SLC36A1: variants seen among roughly 807,000 people sequenced by gnomAD.
The protein encoded by SLC36A1 is solute carrier family 36 member 1, also known as proton-coupled amino acid transporter 1.
Under a neutral mutation model 47.5 loss-of-function variants are expected in SLC36A1, and 30 were observed. The observed-to-expected ratio is 0.63, with a 90% confidence interval of 0.47 to 0.86. SLC36A1 has a LOEUF of 0.86. Ranked by LOEUF, SLC36A1 falls within the 40% of genes least tolerant of loss-of-function variation. The pLI is 0.00. For synonymous variants in SLC36A1, 255 were observed against 249.7 expected, an observed-to-expected ratio of 1.02 and a Z score of -0.20; for missense variants, 517 against 606.0, an observed-to-expected ratio of 0.85 and a Z score of 1.54.
the SLC36A1 span, among the ~76,000 whole-genome samples, chr5:151,546,907 G>C: frequency 0.046 from 7,026 of 151,922 alleles, 281 homozygotes; most frequent in African/African-American, 0.1. Flanking sequence ...TAATAGCTTT[G>C]GTTATATAGA....
chr5:151,380,956 T>C, the SLC36A1 span: 1 of 395,518 alleles, frequency 2.5e-6, no homozygotes, highest in Non-Finnish European at 5.1e-6. Flanking sequence ...CTAATTTGGT[T>C]GTGTGACAGG....
At chr5:151,545,379 A>C in the SLC36A1 span, 18 of 1,614,066 alleles carry the variant, frequency 1.1e-5, no homozygotes, top group Non-Finnish European at 1.5e-5. Flanking sequence ...GATGGATGGT[A>C]ACAGCTTCAT....
the SLC36A1 span, among the ~76,000 whole-genome samples, chr5:151,362,447 G>A: frequency 6.9e-6 from 1 of 144,714 alleles, no homozygotes; most frequent in African/African-American, 2.6e-5. Flanking sequence ...CTGGAGTGCA[G>A]TGGGGCAACC....
In SLC36A1 at chr5:151,474,854, C is replaced by T. The variant is rs1430821707; in HGVS notation, c.822+1083C>T. On this transcript the variant is annotated intron_variant, in intron 8 of 10. Coordinates refer to ENST00000243389, the MANE Select transcript of SLC36A1 (RefSeq NM_078483.4). ...AGGGCGCCACAAATGGGAAGAGCCT[C>T]CTCCCGGCACGGCACTTCTTTCTCT... 3.3e-5 allele frequency among the ~76,000 whole-genome samples: 5 copies of T among 152,364 alleles called. No individual in the cohort carries two copies. The East Asian group carries it at 5.8e-4, about 18-fold the overall frequency.
chr5:151,382,463 A>T, the SLC36A1 span: 6 of 560,826 alleles, frequency 1.1e-5, no homozygotes, highest in African/African-American at 1.1e-4. Flanking sequence ...GAAGCAAGGA[A>T]TCAAAGATGG....
At chr5:151,520,668 A>G in the SLC36A1 span, among the ~76,000 whole-genome samples, 3 of 152,188 alleles carry the variant, frequency 2.0e-5, no homozygotes, top group Non-Finnish European at 4.4e-5. Flanking sequence ...TATTTTGACT[A>G]TTTTATAGAT....
the SLC36A1 span, among the ~76,000 whole-genome samples, chr5:151,417,389 T>C: frequency 5.9e-5 from 9 of 152,268 alleles, no homozygotes; most frequent in African/African-American, 2.2e-4. Flanking sequence ...TTGTTGGGAA[T>C]TGGGACACAG....
At chr5:151,421,056 G>T in the SLC36A1 span, among the ~76,000 whole-genome samples, 3 of 151,510 alleles carry the variant, frequency 2.0e-5, no homozygotes, top group Admixed American at 2.0e-4. Context: ...TGTATTTTTA[G>T]TAGAGACGGG....
intron 1 of SLC36A1, among the ~76,000 whole-genome samples, chr5:151,438,414 C>T (rs951447143): frequency 7.9e-5 from 12 of 151,988 alleles, no homozygotes; most frequent in Admixed American, 3.3e-4. Flanking sequence ...AAAAAAACAC[C>T]TCAGGTGCTC....
chr5:151,449,124 G>GA (rs1753235939), intron 1 of SLC36A1, among the ~76,000 whole-genome samples: 2 of 152,140 alleles, frequency 1.3e-5, no homozygotes, highest in South Asian at 4.1e-4. Flanking sequence ...CTTGCAACAA[G>GA]ACTTAATCTA....
At chr5:151,531,340 C>T in the SLC36A1 span, among the ~76,000 whole-genome samples, 1 of 152,106 alleles carries the variant, frequency 6.6e-6, no homozygotes, top group African/African-American at 2.4e-5. This position sits in a 1 kb window ranked among gnomAD's most constrained non-coding sequence, Gnocchi z 5.7. Context: ...CACTGAGGGT[C>T]CTGGACACAG....
At chr5:151,505,350 C>T in the SLC36A1 span, 4 of 613,706 alleles carry the variant, frequency 6.5e-6, no homozygotes, top group East Asian at 5.6e-5. Flanking sequence ...TCTCCTGGGA[C>T]CCTAGTGCTG....
chr5:151,458,994 G>T (rs1193324344), intron 2 of SLC36A1, 59 bp downstream of exon 2: 2 of 1,527,806 alleles, frequency 1.3e-6, no homozygotes, highest in Non-Finnish European at 1.8e-6. Context: ...AGCCTCCCTT[G>T]GACTTATTTT....
intron 2 of SLC36A1, among the ~76,000 whole-genome samples, chr5:151,460,221 G>C (rs953261922): frequency 6.6e-6 from 1 of 152,142 alleles, no homozygotes; most frequent in African/African-American, 2.4e-5. Flanking sequence ...GCTTGTTATC[G>C]TAAGATACTT....
chr5:151,533,358 C>T, the SLC36A1 span, among the ~76,000 whole-genome samples: 4 of 151,174 alleles, frequency 2.6e-5, no homozygotes, highest in Non-Finnish European at 4.4e-5. Context: ...TTCTGTATCT[C>T]AAGCAAGTCT....
At chr5:151,393,753 A>G in the SLC36A1 span, among the ~76,000 whole-genome samples, 1 of 152,060 alleles carries the variant, frequency 6.6e-6, no homozygotes, top group African/African-American at 2.4e-5. Context: ...TGGCTTGTAG[A>G]GTTTCTGCCA....
rs761564732 is a variant in SLC36A1, at chr5:151,458,332, A to ACATACAC, written c.-5-456_-5-455insCATACAC. 1.8e-3 allele frequency among the ~76,000 whole-genome samples: 190 copies of ACATACAC among 108,338 alleles called. 5 individuals are homozygous for ACATACAC. Among genetic ancestry groups the ACATACAC allele is most frequent in the African/African-American group, 6.1e-3 (183 of 30,204 alleles). The allele number at this position is 108,338 out of a possible 152,430, so 71.1% of individuals were successfully genotyped here. On this transcript the variant is annotated intron_variant, in intron 1 of 10. Coordinates refer to ENST00000243389, the MANE Select transcript of SLC36A1 (RefSeq NM_078483.4). ...TATACGTATATATATATATATATATATGGGATATTTATATATATATATATA... is the reference window on the plus strand; with the variant it reads ...TATACGTATATATATATATATATATACATACACTGGGATATTTATATATATATATATA...
the SLC36A1 span, among the ~76,000 whole-genome samples, chr5:151,417,226 G>A: frequency 1.3e-5 from 2 of 152,218 alleles, no homozygotes; most frequent in Non-Finnish European, 2.9e-5. Flanking sequence ...ATGGGCAGAA[G>A]TTGGAACAGT....
At chr5:151,388,501 C>CAAAAAAAAAA in the SLC36A1 span, among the ~76,000 whole-genome samples, 46 of 90,730 alleles carry the variant, frequency 5.1e-4, 1 homozygote, top group Non-Finnish European at 5.9e-4. Flanking sequence ...AACTCCATCT[C>CAAAAAAAAAA]AAAAGAAAAA....
Sources: allele counts gnomAD v4.1 joint callset (sites outside exome capture counted in the v4.1 genomes callset), GRCh38; gene constraint gnomAD v4.1.1; non-coding constraint Gnocchi (gnomAD v3.1); transcripts MANE v1.5; gene names NCBI Gene and HGNC (gene_info 2026-07-23, HGNC 2026-07-21).